PACRGL: variants seen among roughly 807,000 people sequenced by gnomAD.
PACRGL encodes PACRG-like protein.
A neutral mutation model predicts 34.5 loss-of-function variants in PACRGL; 38 were observed. That is an observed-to-expected ratio of 1.10 (90% CI 0.85 to 1.44). PACRGL has a LOEUF of 1.44. Ranked by LOEUF, PACRGL falls within the 40% of genes most tolerant of loss-of-function variation. The probability of loss-of-function intolerance (pLI) is 0.00; values close to 1 mark genes in which losing one functional copy is unlikely to be tolerated. For missense variants in PACRGL, 305 were observed against 281.4 expected, an observed-to-expected ratio of 1.08 and a Z score of -0.60; for synonymous variants, 128 against 100.1, an observed-to-expected ratio of 1.28 and a Z score of -1.66.
Position 20,731,963 on chromosome 4 carries a change from T to A in PACRGL, c.*4622T>A, listed in dbSNP as rs368037999. Reference sequence around the variant, plus strand: ...TAGCTGCTAATACTCAGTTTAGCTGTTATGATAGCTGAATTGATAGTTATT... The same window carrying A: ...TAGCTGCTAATACTCAGTTTAGCTGATATGATAGCTGAATTGATAGTTATT... On this transcript the variant is annotated 3_prime_UTR_variant, in exon 9 of 9. Coordinates refer to ENST00000503585, the MANE Select transcript of PACRGL (RefSeq NM_001258345.3). 1.2e-6 allele frequency: 2 copies of A among 1,610,378 alleles called. No individual in the cohort carries two copies. Among genetic ancestry groups the A allele is most frequent in the Non-Finnish European group, 1.7e-6 (2 of 1,178,740 alleles).
At chr4:20,725,382 C>A (rs1028896798) in intron 8 of PACRGL, among the ~76,000 whole-genome samples, 1 of 151,584 alleles carries the variant, frequency 6.6e-6, no homozygotes, top group South Asian at 2.1e-4. Context: ...CACACGGACA[C>A]ATATGCACAC....
intron 7 of PACRGL, among the ~76,000 whole-genome samples, chr4:20,719,222 T>G (rs1224354842): frequency 6.6e-6 from 1 of 152,276 alleles, no homozygotes; most frequent in South Asian, 2.1e-4. Context: ...CTTCTCTCTT[T>G]ACTTTATTAG....
At chr4:20,732,888 T>TTTTG (rs1748678049), downstream of PACRGL, 2 of 694,398 alleles carry the variant, frequency 2.9e-6, no homozygotes. Context: ...ATTTTTGACT[T>TTTTG]TTTGTTTGTT....
At chr4:20,764,332 T>C in the PACRGL span, among the ~76,000 whole-genome samples, 1 of 152,110 alleles carries the variant, frequency 6.6e-6, no homozygotes, top group Admixed American at 6.5e-5. Flanking sequence ...CTTTAGGAAA[T>C]ATCCTGAACA....
intron 8 of PACRGL, among the ~76,000 whole-genome samples, chr4:20,741,969 G>A (rs551020629): frequency 2.3e-4 from 35 of 152,300 alleles, no homozygotes; most frequent in African/African-American, 8.2e-4. Flanking sequence ...AGAAAATCTA[G>A]AAGAATGGAT....
intron 8 of PACRGL, among the ~76,000 whole-genome samples, chr4:20,744,361 A>T (rs1432151180): frequency 1.3e-5 from 2 of 152,178 alleles, no homozygotes; most frequent in Admixed American, 1.3e-4. Context: ...TACCAACCCA[A>T]ATGTCCATCA....
At chr4:20,713,683 T>G (rs1738422813) in intron 7 of PACRGL, 144 bp downstream of exon 7, 2 of 585,988 alleles carry the variant, frequency 3.4e-6, no homozygotes, top group African/African-American at 3.8e-5. Context: ...TCCCAGAGAT[T>G]CTGGTATGTT....
intron 8 of PACRGL, among the ~76,000 whole-genome samples, chr4:20,746,854 C>A (rs944848687): frequency 2.0e-5 from 3 of 152,070 alleles, no homozygotes; most frequent in Non-Finnish European, 4.4e-5. Context: ...TACCCTTTAT[C>A]GTAGAATCAG....
intron 8 of PACRGL, among the ~76,000 whole-genome samples, chr4:20,747,529 C>T (rs1752629961): frequency 6.6e-6 from 1 of 152,122 alleles, no homozygotes; most frequent in African/African-American, 2.4e-5. Context: ...AGACTGGTAC[C>T]CAGGATAGTC....
Position 20,713,297 on chromosome 4 carries a change from G to C in PACRGL, c.502-135G>C, listed in dbSNP as rs1738181584. 4 of 658,116 alleles carry C rather than the reference G, an allele frequency of 6.1e-6. No individual in the cohort carries two copies. The South Asian group carries it at 8.9e-5, about 15-fold the overall frequency. 40.8% of individuals were successfully genotyped at this position (658,116 alleles called of 1,614,324 possible). ...TATTTTTAAAATTCTAGGTTTTGTT[G>C]ACTATCTTCTGATTGTAGATGTTTA... On this transcript the variant is annotated intron_variant, in intron 6 of 8. Coordinates refer to ENST00000503585, the MANE Select transcript of PACRGL (RefSeq NM_001258345.3).
the PACRGL span, among the ~76,000 whole-genome samples, chr4:20,759,285 C>T: frequency 6.6e-6 from 1 of 152,158 alleles, no homozygotes; most frequent in African/African-American, 2.4e-5. Context: ...TCTGAACTCA[C>T]ATAATCTTCG....
At chr4:20,757,812 G>A (rs1289619384), downstream of PACRGL, among the ~76,000 whole-genome samples, 1 of 152,132 alleles carries the variant, frequency 6.6e-6, no homozygotes, top group East Asian at 1.9e-4. Flanking sequence ...GGATGGTGAG[G>A]CATGCCAGGG....
At chr4:20,740,844 A>C (rs1750883828) in intron 8 of PACRGL, among the ~76,000 whole-genome samples, 1 of 152,122 alleles carries the variant, frequency 6.6e-6, no homozygotes, top group Non-Finnish European at 1.5e-5. Flanking sequence ...TGCAGAGACA[A>C]ACATAGGCTC....
the PACRGL span, among the ~76,000 whole-genome samples, chr4:20,765,888 G>GT: frequency 6.6e-6 from 1 of 152,204 alleles, no homozygotes; most frequent in Admixed American, 6.5e-5. Context: ...CTCAGGCCAT[G>GT]TGGGGACACA....
intron 1 of PACRGL, chr4:20,701,892 A>G (rs1351785515): frequency 4.4e-6 from 2 of 456,408 alleles, no homozygotes; most frequent in East Asian, 1.4e-4. Context: ...AAGGTAAAGG[A>G]TAAAAATTTT....
chr4:20,707,122 AT>A (rs1734847059), intron 3 of PACRGL, among the ~76,000 whole-genome samples: 1 of 152,170 alleles, frequency 6.6e-6, no homozygotes, highest in African/African-American at 2.4e-5. Context: ...GTGATAAAAT[AT>A]TTACTTTTTG....
At chr4:20,719,659 C>G (rs1002620118) in intron 7 of PACRGL, among the ~76,000 whole-genome samples, 36 of 152,164 alleles carry the variant, frequency 2.4e-4, no homozygotes, top group Non-Finnish European at 4.9e-4. Context: ...TTTCTTAATC[C>G]TGAGTTCTAG....
chr4:20,745,823 T>C (rs962004806), intron 8 of PACRGL, among the ~76,000 whole-genome samples: 12 of 152,140 alleles, frequency 7.9e-5, no homozygotes, highest in African/African-American at 2.2e-4. Context: ...TCCCTGCCAA[T>C]CAAAGACTGC....
intron 7 of PACRGL, among the ~76,000 whole-genome samples, chr4:20,715,265 G>A (rs1739318205): frequency 6.6e-6 from 1 of 151,942 alleles, no homozygotes; most frequent in Non-Finnish European, 1.5e-5. Context: ...ACTCTCTGGG[G>A]ACTGTTGTGG....
Sources: allele counts gnomAD v4.1 joint callset (sites outside exome capture counted in the v4.1 genomes callset), GRCh38; gene constraint gnomAD v4.1.1; transcripts MANE v1.5; gene names NCBI Gene and HGNC (gene_info 2026-07-23, HGNC 2026-07-21).